Variants in MPP7 observed in about 807,000 individuals in gnomAD.
MPP7 encodes MAGUK p55 scaffold protein 7.
A neutral mutation model predicts 76.5 loss-of-function variants in MPP7; 60 were observed. The observed-to-expected ratio is 0.78, with a 90% CI of 0.64 to 0.97. The LOEUF (loss-of-function observed/expected upper bound fraction) is 0.97. MPP7 is among the 50% of genes least tolerant of loss of function. The probability of loss-of-function intolerance (pLI) is 0.00; values close to 1 mark genes in which losing one functional copy is unlikely to be tolerated. For missense variants in MPP7, 641 were observed against 694.0 expected, an observed-to-expected ratio of 0.92 and a Z score of 0.86; for synonymous variants, 237 against 244.5, an observed-to-expected ratio of 0.97 and a Z score of 0.29.
At chr10:28,196,011 G>A (rs1041753822) in intron 3 of MPP7, among the ~76,000 whole-genome samples, 4 of 152,124 alleles carry the variant, frequency 2.6e-5, no homozygotes, top group Non-Finnish European at 5.9e-5. Context: ...TCCCAAATAA[G>A]AGCTGTCAGA....
intron 1 of MPP7, among the ~76,000 whole-genome samples, chr10:28,241,196 A>G (rs979480725): frequency 6.6e-6 from 1 of 152,132 alleles, no homozygotes; most frequent in Non-Finnish European, 1.5e-5. Flanking sequence ...TTAATACTAA[A>G]GACCTTACAT....
chr10:28,294,337 C>A (rs1191244103), intron 1 of MPP7, among the ~76,000 whole-genome samples: 1 of 152,156 alleles, frequency 6.6e-6, no homozygotes, highest in East Asian at 1.9e-4. Context: ...TCATCAAATA[C>A]AAAGTTGTCA....
chr10:28,295,245 T>C (rs560117741), intron 1 of MPP7, among the ~76,000 whole-genome samples: 11 of 152,298 alleles, frequency 7.2e-5, no homozygotes, highest in Non-Finnish European at 1.5e-4. Flanking sequence ...CTATTTAAAA[T>C]GACTATGAAG....
intron 1 of MPP7, among the ~76,000 whole-genome samples, chr10:28,264,196 G>A (rs2132971404): frequency 6.6e-6 from 1 of 152,218 alleles, no homozygotes; most frequent in South Asian, 2.1e-4. Flanking sequence ...CTACTTGGGA[G>A]GCTGAGGTGG....
At chr10:28,275,267 T>G (rs1840456848) in intron 1 of MPP7, among the ~76,000 whole-genome samples, 1 of 152,220 alleles carries the variant, frequency 6.6e-6, no homozygotes, top group African/African-American at 2.4e-5. Context: ...CGTGCTCTTC[T>G]GCCGGATACC....
chr10:28,207,697 GA>G lies in MPP7; in HGVS notation c.38-5427del, dbSNP rs1169352320. On this transcript the variant is annotated intron_variant, in intron 2 of 16. Coordinates refer to ENST00000683449, the MANE Select transcript of MPP7 (RefSeq NM_001318170.2). ...TCAGAGTGAGACCCCATCTCAAAAA[GA>G]AAAAAAAAAATGAAAAAAGAAAGAA... 9.9e-3 allele frequency among the ~76,000 whole-genome samples: 1,205 copies of G among 121,600 alleles called. 13 individuals are homozygous for G. Among genetic ancestry groups the G allele is most frequent in the African/African-American group, 0.032 (1,051 of 33,118 alleles). 79.8% of individuals were successfully genotyped at this position (121,600 alleles called of 152,430 possible).
intron 2 of MPP7, among the ~76,000 whole-genome samples, chr10:28,223,118 A>G (rs1207380193): frequency 1.3e-5 from 2 of 151,894 alleles, no homozygotes; most frequent in African/African-American, 4.8e-5. Context: ...TGGGTGACAG[A>G]GCGAGCCTCT....
chr10:28,306,668 T>TGAGAGAG (rs1554869512), upstream of MPP7, among the ~76,000 whole-genome samples: 54 of 148,396 alleles, frequency 3.6e-4, no homozygotes, highest in African/African-American at 1.2e-3. Context: ...GATAGATAGA[T>TGAGAGAG]AGAGAGAGAG....
At chr10:28,129,360 T>A (rs542036387) in intron 6 of MPP7, among the ~76,000 whole-genome samples, 24 of 152,324 alleles carry the variant, frequency 1.6e-4, no homozygotes, top group African/African-American at 5.5e-4. Flanking sequence ...AAACAGAGTA[T>A]GGAGAATTTC....
intron 1 of MPP7, among the ~76,000 whole-genome samples, chr10:28,241,052 T>G (rs1839251351): frequency 6.6e-6 from 1 of 152,158 alleles, no homozygotes; most frequent in Non-Finnish European, 1.5e-5. Context: ...ATGTACACCA[T>G]GCAACCTATC....
At chr10:28,222,989 C>A (rs777103408) in intron 2 of MPP7, among the ~76,000 whole-genome samples, 24 of 151,212 alleles carry the variant, frequency 1.6e-4, no homozygotes, top group Non-Finnish European at 3.5e-4. Context: ...CAAAAATGAG[C>A]CAGGCGTGGT....
intron 11 of MPP7, among the ~76,000 whole-genome samples, chr10:28,094,507 G>A (rs1853471630): frequency 6.6e-6 from 1 of 152,084 alleles, no homozygotes; most frequent in African/African-American, 2.4e-5. Flanking sequence ...TCCCATCTGT[G>A]GCATATGGTA....
chr10:28,259,142 C>T (rs925813672), intron 1 of MPP7, among the ~76,000 whole-genome samples: 2 of 152,112 alleles, frequency 1.3e-5, no homozygotes, highest in African/African-American at 4.8e-5. Context: ...TTATCAGTCA[C>T]CTAAATTAGT....
In MPP7 at chr10:28,120,249, C is replaced by T. The variant is rs765523927; in HGVS notation, c.832G>A (p.Glu278Lys). 5.6e-6 allele frequency: 9 copies of T among 1,613,874 alleles called. No individual in the cohort carries two copies. The highest frequency in any genetic ancestry group is 2.2e-5 in the East Asian group (1 of 44,880). Reference protein sequence around the residue: ...DDATWWQAKHEADANPRAGLI... With the variant: ...DDATWWQAKHKADANPRAGLI... Reference sequence around the variant, plus strand: ...CCTGCCCTGGGGTTGGCATCAGCTTCGTGTTTCGCTTGCCACCAAGTTGCA... The same window carrying T: ...CCTGCCCTGGGGTTGGCATCAGCTTTGTGTTTCGCTTGCCACCAAGTTGCA... The change falls in exon 10 of 17, where the codon GAA (glutamate) becomes AAA (lysine). Residue 278 changes from glutamate (E) to lysine (K), a missense_variant. Glu to Lys is a moderately conservative substitution (Grantham distance 56). Coordinates refer to ENST00000683449, the MANE Select transcript of MPP7 (RefSeq NM_001318170.2).
At chr10:28,129,921 G>A (rs1352050851) in intron 6 of MPP7, among the ~76,000 whole-genome samples, 1 of 152,142 alleles carries the variant, frequency 6.6e-6, no homozygotes, top group African/African-American at 2.4e-5. Context: ...GTAACACTGA[G>A]AATTTAGGAT....
chr10:28,201,843 A>T (rs1174607394), intron 3 of MPP7, among the ~76,000 whole-genome samples: 1 of 152,196 alleles, frequency 6.6e-6, no homozygotes, highest in Non-Finnish European at 1.5e-5. Context: ...TATTTAAGTT[A>T]AATTCCAGCT....
chr10:28,217,227 A>T (rs1184881592), intron 2 of MPP7, among the ~76,000 whole-genome samples: 2 of 152,124 alleles, frequency 1.3e-5, no homozygotes, highest in Non-Finnish European at 2.9e-5. Flanking sequence ...ACATACTCAG[A>T]AGTCAGAAAA....
chr10:28,285,593 T>C (rs905830715), intron 1 of MPP7, among the ~76,000 whole-genome samples: 4 of 152,198 alleles, frequency 2.6e-5, no homozygotes, highest in African/African-American at 9.7e-5. Context: ...AATATCACCA[T>C]TTTGCAAACC....
intron 1 of MPP7, among the ~76,000 whole-genome samples, chr10:28,270,512 T>A (rs559213786): frequency 8.6e-5 from 9 of 105,140 alleles, no homozygotes; most frequent in African/African-American, 2.7e-4. Flanking sequence ...ATAACAAGAC[T>A]ATCTCTTTAA....
Sources: allele counts gnomAD v4.1 joint callset (sites outside exome capture counted in the v4.1 genomes callset), GRCh38; gene constraint gnomAD v4.1.1; transcripts MANE v1.5; gene names NCBI Gene and HGNC (gene_info 2026-07-23, HGNC 2026-07-21).